DLGAP2: variants seen among roughly 807,000 people sequenced by gnomAD.
DLGAP2 encodes disks large-associated protein 2.
DLGAP2 carries 26 observed loss-of-function variants against 100.3 expected under a neutral mutation model. The observed-to-expected ratio is 0.26, with a 90% CI of 0.19 to 0.36. The LOEUF is 0.36. DLGAP2 is among the 10% of genes least tolerant of loss of function. The probability of loss-of-function intolerance (pLI) is 1.00; values close to 1 mark genes in which losing one functional copy is unlikely to be tolerated. For synonymous variants in DLGAP2, 886 were observed against 630.1 expected (o/e 1.41, Z -6.08); for missense variants, 1,858 against 1,453.2 (o/e 1.28, Z -4.53).
chr8:1,661,117 A>G (rs1301835823), intron 8 of DLGAP2, among the ~76,000 whole-genome samples: 1 of 152,226 alleles, frequency 6.6e-6, no homozygotes, highest in Non-Finnish European at 1.5e-5. Flanking sequence ...AGCTCTTTCC[A>G]AGAAAACGTT....
intron 3 of DLGAP2, among the ~76,000 whole-genome samples, chr8:1,374,106 A>AGGTTAGGTTAGGTTTGCAGACGG (rs1335781856): frequency 6.0e-4 from 82 of 136,434 alleles, no homozygotes; most frequent in South Asian, 1.9e-3. Flanking sequence ...TTTGCAGAGG[A>AGGTTAGGTTAGGTTTGCAGACGG]CTGTGTGGTG....
intron 2 of DLGAP2, among the ~76,000 whole-genome samples, chr8:1,089,406 C>T (rs984305846): frequency 1.3e-5 from 2 of 152,204 alleles, no homozygotes; most frequent in African/African-American, 4.8e-5. Flanking sequence ...CACTCATAAC[C>T]GTGGGCTGGT....
Position 1,626,903 on chromosome 8 carries a change from C to T in DLGAP2, c.1590+16C>T. The T allele has an allele frequency of 2.5e-6, 4 of 1,575,072 alleles. No homozygotes were observed. Among genetic ancestry groups the T allele is most frequent in the Non-Finnish European group, 3.4e-6 (4 of 1,160,672 alleles). On this transcript the variant is annotated intron_variant, in intron 7 of 14. Coordinates refer to ENST00000637795, the MANE Select transcript of DLGAP2 (RefSeq NM_001346810.2). ...CGTGAGCCAGGTCAGGGTCCCTTCG[C>T]CCTTTCTCCCTGGGGTCCAGTCTCC... is the stretch of plus-strand genomic sequence containing the variant.
intron 3 of DLGAP2, among the ~76,000 whole-genome samples, chr8:1,498,815 T>C (rs771726131): frequency 7.2e-5 from 11 of 152,170 alleles, no homozygotes; most frequent in Admixed American, 5.9e-4. Flanking sequence ...CTGTACAAAA[T>C]GTAGGCTGAA....
chr8:1,361,786 C>A (rs1346866872), intron 3 of DLGAP2, among the ~76,000 whole-genome samples: 1 of 152,214 alleles, frequency 6.6e-6, no homozygotes, highest in African/African-American at 2.4e-5. Flanking sequence ...AGAAAACCCT[C>A]CAAGAATCCA....
At chr8:1,484,427 T>C (rs1334348804) in intron 3 of DLGAP2, among the ~76,000 whole-genome samples, 2 of 152,218 alleles carry the variant, frequency 1.3e-5, no homozygotes, top group Admixed American at 1.3e-4. Context: ...AAAAGGGAAA[T>C]TGGAAACCTT....
At chr8:871,202 G>A (rs760211682) in intron 1 of DLGAP2, among the ~76,000 whole-genome samples, 12 of 152,186 alleles carry the variant, frequency 7.9e-5, no homozygotes, top group Non-Finnish European at 1.5e-4. Context: ...AGAGAAGGCC[G>A]GTTGCAGGCC....
At chr8:1,568,486 T>A (rs1424421652) in intron 6 of DLGAP2, among the ~76,000 whole-genome samples, 135 of 92,306 alleles carry the variant, frequency 1.5e-3, no homozygotes, top group African/African-American at 5.1e-3. Flanking sequence ...CACAAATCCG[T>A]CTCTGCCCGT....
intron 3 of DLGAP2, among the ~76,000 whole-genome samples, chr8:1,434,336 C>T (rs1258012912): frequency 1.3e-5 from 2 of 152,146 alleles, no homozygotes; most frequent in Admixed American, 6.5e-5. Context: ...GGTGGAAGAG[C>T]CATGTGGGAA....
chr8:1,354,062 G>C (rs985507848), intron 3 of DLGAP2, among the ~76,000 whole-genome samples: 1 of 152,156 alleles, frequency 6.6e-6, no homozygotes, highest in African/African-American at 2.4e-5. Flanking sequence ...GCAGGCTTCA[G>C]GGGGGCAATG....
intron 3 of DLGAP2, among the ~76,000 whole-genome samples, chr8:1,411,494 C>T (rs138508036): frequency 1.1e-3 from 164 of 152,310 alleles, no homozygotes; most frequent in African/African-American, 3.5e-3. Flanking sequence ...GCCTCCGGCT[C>T]CCTAGCCTGG....
intron 3 of DLGAP2, among the ~76,000 whole-genome samples, chr8:1,381,772 G>A (rs918832696): frequency 7.0e-6 from 1 of 142,754 alleles, no homozygotes; most frequent in African/African-American, 2.6e-5. Flanking sequence ...GTAAATCTGA[G>A]GGTTATTCTA....
At chr8:1,277,634 C>A (rs1563057331) in intron 3 of DLGAP2, among the ~76,000 whole-genome samples, 1 of 152,166 alleles carries the variant, frequency 6.6e-6, no homozygotes, top group South Asian at 2.1e-4. Flanking sequence ...ATCAGCCAGG[C>A]AGGTCAGTAT....
intron 3 of DLGAP2, among the ~76,000 whole-genome samples, chr8:1,442,908 C>T: frequency 6.6e-6 from 1 of 152,230 alleles, no homozygotes; most frequent in East Asian, 1.9e-4. Flanking sequence ...ATTTGTATGA[C>T]ATAAATTTGC....
chr8:1,072,354 A>G (rs1563176843), intron 2 of DLGAP2, among the ~76,000 whole-genome samples: 1 of 152,218 alleles, frequency 6.6e-6, no homozygotes, highest in Non-Finnish European at 1.5e-5. Flanking sequence ...CATATAATTC[A>G]TAAATCTTGG....
intron 2 of DLGAP2, among the ~76,000 whole-genome samples, chr8:1,107,362 G>T (rs185070897): frequency 6.6e-6 from 1 of 152,192 alleles, no homozygotes; most frequent in East Asian, 1.9e-4. Context: ...CTGAGCCCCC[G>T]CACCCGGGCC....
chr8:1,104,243 A>C (rs753255449), intron 2 of DLGAP2, among the ~76,000 whole-genome samples: 1 of 152,122 alleles, frequency 6.6e-6, no homozygotes, highest in Admixed American at 6.5e-5. Flanking sequence ...AGGGGCGTGC[A>C]CTGGATAGTG....
intron 3 of DLGAP2, chr8:1,262,729 C>T (rs1249936989): frequency 6.6e-6 from 1 of 152,080 alleles, no homozygotes; most frequent in Non-Finnish European, 1.5e-5. Context: ...CTTGACATAG[C>T]AAAAATCCGT....
At chr8:1,554,785 C>G (rs934649579) in intron 5 of DLGAP2, among the ~76,000 whole-genome samples, 8 of 151,744 alleles carry the variant, frequency 5.3e-5, no homozygotes, top group African/African-American at 1.7e-4. Flanking sequence ...CCCTCCCCCG[C>G]GCCCACCACC....
Sources: allele counts gnomAD v4.1 joint callset (sites outside exome capture counted in the v4.1 genomes callset), GRCh38; gene constraint gnomAD v4.1.1; transcripts MANE v1.5; gene names NCBI Gene and HGNC (gene_info 2026-07-23, HGNC 2026-07-21).